The following BRWD3 variants were observed in gnomAD, a reference collection of about 807,000 sequenced individuals.
BRWD3 encodes the protein bromodomain and WD repeat-containing protein 3.
A neutral mutation model predicts 149.7 loss-of-function variants in BRWD3; 10 were observed. The observed-to-expected ratio is 0.07, with a 90% CI of 0.04 to 0.11. BRWD3 has a LOEUF of 0.11. BRWD3 is among the 10% of genes least tolerant of loss of function. The probability of loss-of-function intolerance (pLI) is 1.00; values close to 1 mark genes in which losing one functional copy is unlikely to be tolerated. For synonymous variants in BRWD3, 504 were observed against 456.7 expected (o/e 1.10, Z -1.32); for missense variants, 940 against 1,373.2 (o/e 0.68, Z 4.99).
chrX:80,707,783 AAATAC>A (rs1171608545), intron 21 of BRWD3, among the ~76,000 whole-genome samples: 1 of 111,923 alleles, frequency 8.9e-6, no homozygotes, highest in Admixed American at 9.5e-5. Flanking sequence ...TAACCCTCTT[AAATAC>A]ATTAGAAACA....
intron 8 of BRWD3, among the ~76,000 whole-genome samples, chrX:80,742,183 CTTGT>C (rs1197375464): frequency 9.0e-6 from 1 of 111,053 alleles, no homozygotes; most frequent in Non-Finnish European, 1.9e-5. Context: ...TTCCCCATTG[CTTGT>C]TTTTCTCAGG....
chrX:80,710,175 T>G, intron 20 of BRWD3: 1 of 500,465 alleles, frequency 2.0e-6, no homozygotes, highest in Non-Finnish European at 3.7e-6. Context: ...TTACGTAATT[T>G]TATGTGCCAG....
Position 80,691,065 on chromosome X carries a change from T to C in BRWD3, c.3590A>G (p.Asn1197Ser). The C allele has an allele frequency of 8.3e-7, 1 of 1,208,279 alleles. No homozygotes were observed. Among genetic ancestry groups the C allele is most frequent in the Non-Finnish European group, 1.1e-6 (1 of 893,975 alleles). Reference sequence around the variant, plus strand: ...AAAAAAAACAGACCTGTAAAAGCGATTTTCAAGTCTCCGCCTGATGGTATT... The same window carrying C: ...AAAAAAAACAGACCTGTAAAAGCGACTTTCAAGTCTCCGCCTGATGGTATT... Reference protein sequence around the residue: ...DLNTIRRRLENRFYRRISALM... With the variant: ...DLNTIRRRLESRFYRRISALM... The change falls in exon 31 of 41, where the codon AAT (asparagine) becomes AGT (serine). Residue 1197 changes from asparagine (N) to serine (S), a missense_variant. This residue lies in a region of BRWD3 where 349 missense variants were observed against 419.6 expected (regional missense o/e 0.83). Coordinates refer to ENST00000373275, the MANE Select transcript of BRWD3 (RefSeq NM_153252.5).
In BRWD3 at chrX:80,722,701, T is replaced by C; in HGVS notation, c.1737A>G (p.Gln579=). ...NNYVLDEQTQ[Q]APHLMPPPFL... ...ATGGAGGAGGCATGAGGTGAGGAGCTTGTTGGGTTTGTTCATCCAATACAT... is the reference window on the plus strand; with the variant it reads ...ATGGAGGAGGCATGAGGTGAGGAGCCTGTTGGGTTTGTTCATCCAATACAT... Residue 579 remains glutamine, a synonymous_variant, in exon 17 of 41, where the codon CAA becomes CAG. Coordinates refer to ENST00000373275, the MANE Select transcript of BRWD3 (RefSeq NM_153252.5). 8.3e-7 allele frequency: 1 copy of C among 1,209,853 alleles called. No individual in the cohort carries two copies.
At position 80,682,563 on chromosome X, in the gene BRWD3, T is replaced by C; in HGVS notation, c.4299A>G (p.Glu1433=). The change falls in exon 38 of 41, where the codon GAA becomes GAG. Residue 1433 remains glutamate, a synonymous_variant. Transcript: ENST00000373275. ...FESHIKNIIS[E]YKSAIQSQKR... ...TCTGACTCTGGATTGCTGACTTATA[T>C]TCAGAGATGATATTTTTGATATGAC... The C allele has an allele frequency of 1.7e-6, 2 of 1,209,645 alleles. No individual in the cohort carries two copies. Among genetic ancestry groups the C allele is most frequent in the Non-Finnish European group, 2.2e-6 (2 of 893,771 alleles).
In BRWD3 at chrX:80,772,001, C is replaced by T. The variant is rs764570489; in HGVS notation, c.430+19853G>A. Among the ~76,000 whole-genome samples, 8 of 111,602 alleles carry T rather than the reference C, an allele frequency of 7.2e-5. No homozygotes were observed. In the South Asian group the frequency reaches 1.1e-3, roughly 16 times the overall value. On this transcript the variant is annotated intron_variant, in intron 6 of 40. Coordinates refer to ENST00000373275, the MANE Select transcript of BRWD3 (RefSeq NM_153252.5). ...TGGAGAGGATGTGGAAAAATAGGAA[C>T]GCTTTTACACTGTTGGTGGGAGTGT... is the stretch of plus-strand genomic sequence containing the variant.
intron 6 of BRWD3, among the ~76,000 whole-genome samples, chrX:80,753,303 C>T (rs2073694917): frequency 9.7e-6 from 1 of 103,515 alleles, no homozygotes; most frequent in African/African-American, 3.6e-5. Flanking sequence ...TGGAGTTTCA[C>T]TCGTCACCCA....
chrX:80,766,270 G>A (rs756404613), intron 6 of BRWD3, among the ~76,000 whole-genome samples: 1 of 111,343 alleles, frequency 9.0e-6, no homozygotes, highest in African/African-American at 3.3e-5. Flanking sequence ...CAGCTTTAAT[G>A]ATTCTCAGGC....
chrX:80,718,851 G>A (rs902984707), intron 18 of BRWD3, among the ~76,000 whole-genome samples: 1 of 111,389 alleles, frequency 9.0e-6, no homozygotes, highest in Admixed American at 9.6e-5. Flanking sequence ...CTTGATACAA[G>A]CTAAAACTTA....
chrX:80,791,108 C>T (rs1383026412), intron 6 of BRWD3, among the ~76,000 whole-genome samples: 1 of 112,268 alleles, frequency 8.9e-6, no homozygotes, highest in African/African-American at 3.2e-5. Context: ...GGCTAAACTA[C>T]ATAAGCTTAA....
At position 80,798,552 on chromosome X, in the gene BRWD3, G is replaced by T. The variant is rs139745040; in HGVS notation, c.181-4780C>A. Among the ~76,000 whole-genome samples the T allele has an allele frequency of 2.1e-3, 234 of 110,259 alleles. 1 individual carries two copies. In the East Asian group the frequency reaches 0.033, roughly 16 times the overall value. On this transcript the variant is annotated intron_variant, in intron 4 of 40. Coordinates refer to ENST00000373275, the MANE Select transcript of BRWD3 (RefSeq NM_153252.5). Reference sequence around the variant, plus strand: ...TCTCTGGAATATAATGGCTGACTCGGAACAGTTAAGTGCTCTGAGGCCTGC... The same window carrying T: ...TCTCTGGAATATAATGGCTGACTCGTAACAGTTAAGTGCTCTGAGGCCTGC...
chrX:80,675,075 TA>T lies in BRWD3; in HGVS notation c.*1533del, dbSNP rs1289484327. Reference sequence around the variant, plus strand: ...TATTATCCCTCTTACCTCAGAAATGTAAGTATCTAACAAATGAACAAATCTG... The same window carrying T: ...TATTATCCCTCTTACCTCAGAAATGTAGTATCTAACAAATGAACAAATCTG... On this transcript the variant is annotated 3_prime_UTR_variant, in exon 41 of 41. Coordinates refer to ENST00000373275, the MANE Select transcript of BRWD3 (RefSeq NM_153252.5). The T allele has an allele frequency of 1.8e-5, 2 of 111,769 alleles. No individual in the cohort carries two copies. The highest frequency in any genetic ancestry group is 3.8e-5 in the Non-Finnish European group (2 of 53,063). The allele number at this position is 111,769 out of a possible 1,213,427, so 9.2% of individuals were successfully genotyped here.
chrX:80,717,824 G>T, intron 18 of BRWD3, 65 bp from the exon 19 acceptor site: 1 of 1,012,612 alleles, frequency 9.9e-7, no homozygotes, highest in Non-Finnish European at 1.4e-6. Context: ...CCAGAACAGA[G>T]CTCTAAATAA....
chrX:80,730,315 A>T (rs2147769526), intron 12 of BRWD3, among the ~76,000 whole-genome samples: 1 of 109,505 alleles, frequency 9.1e-6, no homozygotes, highest in African/African-American at 3.3e-5. Flanking sequence ...AAGTGGAAAC[A>T]ACCCAAATGT....
intron 7 of BRWD3, among the ~76,000 whole-genome samples, 182 bp downstream of exon 7, chrX:80,745,387 A>ATT (rs1158497571): frequency 5.4e-5 from 6 of 111,899 alleles, no homozygotes; most frequent in African/African-American, 1.9e-4. Context: ...GATAGTAAAC[A>ATT]TTTTTGTTCA....
At position 80,716,068 on chromosome X, in the gene BRWD3, CTT is replaced by C. The variant is rs1438564573; in HGVS notation, c.2325+87_2325+88del. On this transcript the variant is annotated intron_variant, in intron 20 of 40. Transcript: ENST00000373275. ...ATGCAGATACCTATTAAAATAGTCTCTTAACACACAACTGCTGCCTCTCAAAA... is the reference window on the plus strand; with the variant it reads ...ATGCAGATACCTATTAAAATAGTCTCAACACACAACTGCTGCCTCTCAAAA... 6.7e-6 allele frequency: 5 copies of C among 751,011 alleles called. No homozygotes were observed. The Admixed American group carries it at 7.0e-5, about 10-fold the overall frequency. The allele number at this position is 751,011 out of a possible 1,213,427, so 61.9% of individuals were successfully genotyped here. A position where few individuals can be genotyped will look rare whatever the true frequency, so the allele number is the denominator to read the frequency against.
At chrX:80,803,198 G>T (rs1038908830) in intron 4 of BRWD3, among the ~76,000 whole-genome samples, 2 of 110,328 alleles carry the variant, frequency 1.8e-5, no homozygotes, top group African/African-American at 3.3e-5. Flanking sequence ...CCATTTTGCT[G>T]CCTACCAAAA....
chrX:80,713,213 G>C (rs368153475), intron 20 of BRWD3, among the ~76,000 whole-genome samples: 5,133 of 110,730 alleles, frequency 0.046, 124 homozygotes, highest in Non-Finnish European at 0.066. Flanking sequence ...ATTGAGAACG[G>C]GCCATGATGA....
At chrX:80,749,163 G>A (rs1260096109) in intron 6 of BRWD3, among the ~76,000 whole-genome samples, 1 of 112,126 alleles carries the variant, frequency 8.9e-6, no homozygotes. Context: ...GAGCTGAAAT[G>A]TTCTATAAAT....
Sources: allele counts gnomAD v4.1 joint callset (sites outside exome capture counted in the v4.1 genomes callset), GRCh38; gene constraint gnomAD v4.1.1; regional missense constraint gnomAD v4.1.1; transcripts MANE v1.5; gene names NCBI Gene and HGNC (gene_info 2026-07-23, HGNC 2026-07-21).